The following TBCD variants were observed in gnomAD, a reference collection of about 807,000 sequenced individuals.
TBCD encodes tubulin folding cofactor D, also known as tubulin-specific chaperone D.
A neutral mutation model predicts 169.3 loss-of-function variants in TBCD; 105 were observed. The ratio of observed to expected loss-of-function variants is 0.62; its 90% CI spans 0.53 to 0.73. The LOEUF (loss-of-function observed/expected upper bound fraction) is 0.73. Ranked by LOEUF, TBCD falls within the 30% of genes least tolerant of loss-of-function variation. TBCD has a pLI of 0.00. For synonymous variants in TBCD, 700 were observed against 643.9 expected (o/e 1.09, Z -1.32); for missense variants, 1,444 against 1,600.1 (o/e 0.90, Z 1.66).
At chr17:82,775,801 T>G in intron 6 of TBCD, among the ~76,000 whole-genome samples, 2 of 148,692 alleles carry the variant, frequency 1.3e-5, no homozygotes, top group Non-Finnish European at 1.5e-5. Flanking sequence ...AGATGACGAG[T>G]TAGTGGGTGC....
Position 82,923,590 on chromosome 17 carries a change from C to T in TBCD, c.2179-62C>T. The T allele has an allele frequency of 7.2e-7, 1 of 1,383,822 alleles. No individual in the cohort carries two copies. The highest frequency in any genetic ancestry group is 1.4e-5 in the African/African-American group (1 of 69,616). 85.7% of individuals were successfully genotyped at this position (1,383,822 alleles called of 1,614,324 possible). Reference sequence around the variant, plus strand: ...CCGACTTCAGAGTGACCTGCTCTGTCCCTGGCCGGGGGCTTCTCCGAGCAG... The same window carrying T: ...CCGACTTCAGAGTGACCTGCTCTGTTCCTGGCCGGGGGCTTCTCCGAGCAG... On this transcript the variant is annotated intron_variant, in intron 25 of 38. Coordinates refer to ENST00000355528, the MANE Select transcript of TBCD (RefSeq NM_005993.5). This position sits in a 1 kb window ranked among gnomAD's most constrained non-coding sequence, Gnocchi z 4.6.
intron 9 of TBCD, among the ~76,000 whole-genome samples, chr17:82,804,512 G>T (rs1405627377): frequency 1.3e-5 from 2 of 152,206 alleles, no homozygotes; most frequent in African/African-American, 4.8e-5. Context: ...GCGCCGGCCT[G>T]GCCACTGCCG....
chr17:82,864,382 G>A lies in TBCD; in HGVS notation c.1319-5842G>A, dbSNP rs1275417983. On this transcript the variant is annotated intron_variant, in intron 13 of 38. Coordinates refer to ENST00000355528, the MANE Select transcript of TBCD (RefSeq NM_005993.5). The surrounding 1 kb of genome is among the most constrained non-coding windows in gnomAD (Gnocchi z 6.3). ...GCCGGCTCTCTGTGCTCTCCAGGAG[G>A]TGGCCTTTCACAGCAGGGACGTTCT... 6.6e-6 allele frequency: 1 copy of A among 152,260 alleles called. No homozygotes were observed. The highest frequency in any genetic ancestry group is 6.5e-5 in the Admixed American group (1 of 15,284). The allele number at this position is 152,260 out of a possible 1,614,324, so 9.4% of individuals were successfully genotyped here. A position where few individuals can be genotyped will look rare whatever the true frequency, so the allele number is the denominator to read the frequency against.
chr17:82,919,447 C>T (rs554377400), intron 23 of TBCD, among the ~76,000 whole-genome samples: 8 of 152,136 alleles, frequency 5.3e-5, no homozygotes, highest in East Asian at 3.9e-4. Context: ...GTTCTACAGT[C>T]GAAAAGGTAA....
intron 13 of TBCD, among the ~76,000 whole-genome samples, chr17:82,862,809 T>C (rs530388879): frequency 6.6e-6 from 1 of 152,284 alleles, no homozygotes; most frequent in South Asian, 2.1e-4. Context: ...CCTGTGGAGT[T>C]ATGGAAGTCC....
chr17:82,827,923 A>G (rs2053031852), intron 13 of TBCD, among the ~76,000 whole-genome samples: 1 of 144,480 alleles, frequency 6.9e-6, no homozygotes, highest in South Asian at 2.3e-4. Context: ...CCCCATAGAT[A>G]TGAGCACGTG....
In TBCD at chr17:82,870,327, C is replaced by T. The variant is rs36018199; in HGVS notation, c.1422C>T (p.Phe474=). 66,237 of 1,613,488 alleles carry T rather than the reference C, an allele frequency of 0.041. 1,647 individuals are homozygous for T. The highest frequency in any genetic ancestry group is 0.051 in the Non-Finnish European group (60,008 of 1,179,852). ...CCGCCTGCTACGTGTGCTGGGCCTT[C>T]GCGCGTGCCTATGAGCCTCAGGAGC... ...RDAACYVCWA[F]ARAYEPQELK... is the part of the protein sequence containing the mutation. Residue 474 remains phenylalanine, a synonymous_variant, in exon 14 of 39, where the codon TTC becomes TTT. Transcript: ENST00000355528.
rs2061832323 is a variant in TBCD, at chr17:82,927,228, A to G, written c.2514A>G (p.Glu838=). ...GTGTGAAAGCAGGAGCCCCAGACGAAGCTGTGTGCGGAGAGAATGTTTCCC... is the reference window on the plus strand; with the variant it reads ...GTGTGAAAGCAGGAGCCCCAGACGAGGCTGTGTGCGGAGAGAATGTTTCCC... ...TVGVKAGAPD[E]AVCGENVSQI... Residue 838 remains glutamate, a synonymous_variant, in exon 29 of 39, where the codon GAA becomes GAG. Transcript: ENST00000355528. 3 of 1,614,008 alleles carry G rather than the reference A, an allele frequency of 1.9e-6. No homozygotes were observed. Among genetic ancestry groups the G allele is most frequent in the African/African-American group, 2.7e-5 (2 of 75,036 alleles).
intron 13 of TBCD, among the ~76,000 whole-genome samples, chr17:82,842,780 C>CTTTTT (rs375870095): frequency 2.6e-4 from 34 of 129,884 alleles, no homozygotes; most frequent in African/African-American, 5.5e-4. Context: ...TTCTTTCTTT[C>CTTTTT]TTTTTTTTTT....
At chr17:82,818,418 T>C (rs1172793666) in intron 13 of TBCD, among the ~76,000 whole-genome samples, 1 of 152,248 alleles carries the variant, frequency 6.6e-6, no homozygotes, top group Non-Finnish European at 1.5e-5. Context: ...ATGCTTTTTA[T>C]GTTTTTGTTT....
intron 14 of TBCD, among the ~76,000 whole-genome samples, chr17:82,879,609 T>C (rs1319677700): frequency 6.6e-6 from 1 of 152,188 alleles, no homozygotes; most frequent in Non-Finnish European, 1.5e-5. Flanking sequence ...CAGACACGTC[T>C]GCCGCTTCCC....
At chr17:82,848,304 C>G (rs909326836) in intron 13 of TBCD, among the ~76,000 whole-genome samples, 24 of 152,298 alleles carry the variant, frequency 1.6e-4, no homozygotes, top group African/African-American at 5.8e-4. Context: ...GTCGCTCCCT[C>G]CTCTCCTGTG....
At chr17:82,767,169 C>T (rs142806510) in intron 4 of TBCD, among the ~76,000 whole-genome samples, 1 of 152,192 alleles carries the variant, frequency 6.6e-6, no homozygotes, top group Non-Finnish European at 1.5e-5. Flanking sequence ...CAGACGGCAG[C>T]GGGGCCTGCT....
intron 26 of TBCD, 135 bp from the exon 27 acceptor site, chr17:82,924,804 G>A (rs1026386787): frequency 4.2e-5 from 27 of 636,670 alleles, no homozygotes; most frequent in Admixed American, 2.6e-4. Context: ...CTTTGGAAAC[G>A]TGTCTGCTTT....
In TBCD at chr17:82,880,051, C is replaced by T. The variant is rs1007509802; in HGVS notation, c.1476-4094C>T. Among the ~76,000 whole-genome samples, 1 of 152,194 alleles carries T rather than the reference C, an allele frequency of 6.6e-6. No individual in the cohort carries two copies. The highest frequency in any genetic ancestry group is 1.5e-5 in the Non-Finnish European group (1 of 68,044). Reference sequence around the variant, plus strand: ...ATTCCTTTGCTCATGGGCTCTTCATCTACCTTCACAGCCAGCCACGTCCAC... The same window carrying T: ...ATTCCTTTGCTCATGGGCTCTTCATTTACCTTCACAGCCAGCCACGTCCAC... On this transcript the variant is annotated intron_variant, in intron 14 of 38. Coordinates refer to ENST00000355528, the MANE Select transcript of TBCD (RefSeq NM_005993.5). The surrounding 1 kb of genome is among the most constrained non-coding windows in gnomAD (Gnocchi z 5.0).
chr17:82,770,893 G>T (rs770282263), intron 5 of TBCD, among the ~76,000 whole-genome samples: 11 of 151,836 alleles, frequency 7.2e-5, no homozygotes, highest in Non-Finnish European at 1.2e-4. Context: ...TAGTGCCTGT[G>T]ATCCTTTCAT....
intron 13 of TBCD, among the ~76,000 whole-genome samples, chr17:82,824,939 C>CTT (rs35023165): frequency 0.024 from 3,541 of 149,586 alleles, 135 homozygotes; most frequent in African/African-American, 0.081. Flanking sequence ...AAATAAGTCT[C>CTT]TTTTTTTTTT....
At position 82,807,601 on chromosome 17, in the gene TBCD, C is replaced by T; in HGVS notation, c.1088-7C>T. The T allele has an allele frequency of 6.6e-7, 1 of 1,518,726 alleles. No individual in the cohort carries two copies. The highest frequency in any genetic ancestry group is 8.8e-7 in the Non-Finnish European group (1 of 1,130,834). The allele number at this position is 1,518,726 out of a possible 1,614,324, so 94.1% of individuals were successfully genotyped here. ...CTCTGTCACGCATCACCTTCCTCTTCCTACAGAGCAGCTGCTGGTCGGGCT... is the reference window on the plus strand; with the variant it reads ...CTCTGTCACGCATCACCTTCCTCTTTCTACAGAGCAGCTGCTGGTCGGGCT... On this transcript the variant is annotated splice_region_variant and splice_polypyrimidine_tract_variant and intron_variant, in intron 10 of 38. Coordinates refer to ENST00000355528, the MANE Select transcript of TBCD (RefSeq NM_005993.5).
chr17:82,785,041 C>T (rs1192956886), intron 7 of TBCD, among the ~76,000 whole-genome samples: 4 of 98,802 alleles, frequency 4.0e-5, no homozygotes, highest in Non-Finnish European at 5.9e-5. Context: ...CCCATCGCAG[C>T]GACAGGGGGT....
Sources: gnomAD v4.1 joint callset for allele counts (sites outside exome capture counted in the v4.1 genomes callset) on GRCh38, gnomAD v4.1.1 for gene constraint, Gnocchi (gnomAD v3.1) non-coding constraint, MANE v1.5 for transcripts, NCBI Gene and HGNC (gene_info 2026-07-23, HGNC 2026-07-21) for gene names.